The following POMZP3 variants were observed in gnomAD, a reference collection of about 807,000 sequenced individuals.
POMZP3 encodes the protein POM121 and ZP3 fusion protein.
Under a neutral mutation model 19.8 loss-of-function variants are expected in POMZP3, and 10 were observed. The observed-to-expected ratio is 0.51, with a 90% CI of 0.31 to 0.86. POMZP3 has a LOEUF of 0.86. Among genes scored for constraint, POMZP3 ranks in the 40% least tolerant of loss-of-function variants. The probability of loss-of-function intolerance (pLI) is 0.04; values close to 1 mark genes in which losing one functional copy is unlikely to be tolerated. For synonymous variants in POMZP3, 57 were observed against 85.8 expected, an observed-to-expected ratio of 0.66 and a Z score of 1.85; for missense variants, 152 against 228.1, an observed-to-expected ratio of 0.67 and a Z score of 2.15.
intron 3 of POMZP3, chr7:76,618,558 GT>G (rs1441865660): frequency 6.2e-6 from 3 of 480,824 alleles, no homozygotes; most frequent in Non-Finnish European, 1.1e-5. Flanking sequence ...GAGGCAGAGG[GT>G]GTAGTGAGCC....
intron 4 of POMZP3, among the ~76,000 whole-genome samples, chr7:76,616,525 G>T (rs1253801610): frequency 1.0e-5 from 1 of 100,064 alleles, no homozygotes; most frequent in African/African-American, 4.0e-5. Context: ...CCTATTCTAA[G>T]CTCACGGCCT....
rs1193493149 is a variant in POMZP3, at chr7:76,613,507, C to CTTTTTTTTTTTTTTT, written c.346-1709_346-1695dup. ...ACCCTGTAAGCACTGCCCCCCTACCCTTTTTTTTTTTTTTTTTTCTGAGAC... is the reference window on the plus strand; with the variant it reads ...ACCCTGTAAGCACTGCCCCCCTACCCTTTTTTTTTTTTTTTTTTTTTTTTTTTTTTTTTCTGAGAC... On this transcript the variant is annotated intron_variant, in intron 4 of 6. Coordinates refer to ENST00000310842, the MANE Select transcript of POMZP3 (RefSeq NM_012230.5). Among the ~76,000 whole-genome samples the CTTTTTTTTTTTTTTT allele has an allele frequency of 1.9e-3, 129 of 67,404 alleles. 36 individuals are homozygous for CTTTTTTTTTTTTTTT. Among genetic ancestry groups the CTTTTTTTTTTTTTTT allele is most frequent in the African/African-American group, 7.5e-3 (104 of 13,952 alleles). 44.2% of individuals were successfully genotyped at this position (67,404 alleles called of 152,430 possible).
At chr7:76,624,936 T>C (rs1236311009) in intron 3 of POMZP3, among the ~76,000 whole-genome samples, 1 of 149,662 alleles carries the variant, frequency 6.7e-6, no homozygotes, top group Non-Finnish European at 1.5e-5. Context: ...TTCGAGACCA[T>C]CCTGGCCAAC....
chr7:76,621,828 T>C (rs916031326), intron 3 of POMZP3, among the ~76,000 whole-genome samples: 1 of 149,154 alleles, frequency 6.7e-6, no homozygotes, highest in Non-Finnish European at 1.5e-5. Context: ...CAGTCCCAGC[T>C]ACTCGGGAGG....
intron 3 of POMZP3, among the ~76,000 whole-genome samples, chr7:76,618,952 C>T (rs2690680): frequency 7.2e-5 from 11 of 152,024 alleles, no homozygotes; most frequent in African/African-American, 1.2e-4. Context: ...CATGTCAGGC[C>T]GATTTTTGTA....
intron 3 of POMZP3, among the ~76,000 whole-genome samples, chr7:76,621,707 G>A (rs1223118252): frequency 6.6e-6 from 1 of 151,768 alleles, no homozygotes; most frequent in Non-Finnish European, 1.5e-5. Context: ...TTGGGAGGCT[G>A]AGGCGGGCGG....
chr7:76,611,311 G>T, intron 6 of POMZP3, 143 bp downstream of exon 6: 2 of 1,140,666 alleles, frequency 1.8e-6, no homozygotes, highest in Non-Finnish European at 2.4e-6. Flanking sequence ...CCCAAGATTT[G>T]TGTTAGGGAA....
chr7:76,621,776 T>A (rs1444284225), intron 3 of POMZP3, among the ~76,000 whole-genome samples: 1 of 151,438 alleles, frequency 6.6e-6, no homozygotes, highest in African/African-American at 2.4e-5. Context: ...CCATCTCTAC[T>A]AAAAATACAA....
chr7:76,625,625 A>T lies in POMZP3; in HGVS notation c.124T>A (p.Cys42Ser). 6.2e-7 allele frequency: 1 copy of T among 1,613,702 alleles called. No homozygotes were observed. Among genetic ancestry groups the T allele is most frequent in the Non-Finnish European group, 8.5e-7 (1 of 1,179,800 alleles). Reference sequence around the variant, plus strand: ...GCACTCAGTACAGTCTCCTTTGCACATGGGTCTGGGGCATTACTTGATGGT... The same window carrying T: ...GCACTCAGTACAGTCTCCTTTGCACTTGGGTCTGGGGCATTACTTGATGGT... ...SSPSSNAPDP[C>S]AKETVLSALK... The change falls in exon 3 of 7, where the codon TGT becomes AGT. Residue 42 changes from cysteine to serine, a missense_variant. Physicochemically the swap from Cys to Ser is moderately radical, Grantham distance 112 (BLOSUM62 -1). Around this residue, in one of 4 missense-constraint regions of POMZP3, gnomAD observed 70 missense variants for 64.1 expected, o/e 1.09. Transcript: ENST00000310842.
intron 4 of POMZP3, among the ~76,000 whole-genome samples, chr7:76,616,181 G>A (rs1815279719): frequency 7.0e-6 from 1 of 143,552 alleles, no homozygotes; most frequent in Admixed American, 7.1e-5. Flanking sequence ...CTACTCAGGA[G>A]GCTGAGGCAG....
intron 4 of POMZP3, chr7:76,615,352 C>G (rs562409991): frequency 1.1e-5 from 1 of 91,838 alleles, no homozygotes; most frequent in East Asian, 2.6e-4. Context: ...ACTCTTTTCC[C>G]AAATCTGCCC....
chr7:76,610,233 A>G lies in POMZP3; in HGVS notation c.*12-18T>C. On this transcript the variant is annotated intron_variant, in intron 6 of 6. Transcript: ENST00000310842. Reference sequence around the variant, plus strand: ...TTCTGTCACTGTGAAAGGAGAACACACAACCAAGGGTCATCTTAGTCCCTA... The same window carrying G: ...TTCTGTCACTGTGAAAGGAGAACACGCAACCAAGGGTCATCTTAGTCCCTA... 1.2e-6 allele frequency: 2 copies of G among 1,613,830 alleles called. No individual in the cohort carries two copies. The highest frequency in any genetic ancestry group is 1.7e-6 in the Non-Finnish European group (2 of 1,179,832).
Position 76,627,144 on chromosome 7 carries a change from T to G in POMZP3, c.-588A>C. The G allele has an allele frequency of 3.7e-5, 54 of 1,446,180 alleles. 6 individuals carry two copies. Among genetic ancestry groups the G allele is most frequent in the Non-Finnish European group, 4.8e-5 (52 of 1,090,158 alleles). The allele number at this position is 1,446,180 out of a possible 1,614,324, so 89.6% of individuals were successfully genotyped here. On this transcript the variant is annotated 5_prime_UTR_variant, in exon 1 of 7. Coordinates refer to ENST00000310842, the MANE Select transcript of POMZP3 (RefSeq NM_012230.5). ...CAGCCGCAGCAGGCACGAGGTACAGTAGGAGGCCGACCAGCGACAGGCCGA... is the reference window on the plus strand; with the variant it reads ...CAGCCGCAGCAGGCACGAGGTACAGGAGGAGGCCGACCAGCGACAGGCCGA...
chr7:76,624,728 G>T (rs1286638058), intron 3 of POMZP3, among the ~76,000 whole-genome samples: 1 of 150,762 alleles, frequency 6.6e-6, no homozygotes, highest in South Asian at 2.1e-4. Context: ...TTATAGGCGT[G>T]AGCCACCTTG....
At chr7:76,623,472 G>T (rs1815686287) in intron 3 of POMZP3, among the ~76,000 whole-genome samples, 1 of 147,090 alleles carries the variant, frequency 6.8e-6, no homozygotes, top group Admixed American at 7.0e-5. Context: ...TGAATATTCT[G>T]GTGTGTTGCT....
chr7:76,622,230 T>C (rs1258351250), intron 3 of POMZP3, among the ~76,000 whole-genome samples: 2 of 151,988 alleles, frequency 1.3e-5, no homozygotes, highest in South Asian at 4.2e-4. Context: ...GTCTATGGAA[T>C]GGTCATTCTT....
intron 3 of POMZP3, among the ~76,000 whole-genome samples, chr7:76,623,809 AAAG>A (rs1396252764): frequency 4.6e-5 from 7 of 151,966 alleles, no homozygotes; most frequent in Admixed American, 6.6e-5. Flanking sequence ...CTCCAAAAAA[AAAG>A]AAAGAGAGAG....
In POMZP3 at chr7:76,613,454, A is replaced by AC. The variant is rs1398442400; in HGVS notation, c.346-1642dup. ...ATGAGCTCCTGCTGGGAGCTGAAGG[A>AC]CCCCCCCCACCCAGGGAATAGTCAA... On this transcript the variant is annotated intron_variant, in intron 4 of 6. Coordinates refer to ENST00000310842, the MANE Select transcript of POMZP3 (RefSeq NM_012230.5). 3.1e-3 allele frequency among the ~76,000 whole-genome samples: 299 copies of AC among 96,038 alleles called. 6 individuals carry two copies. The highest frequency in any genetic ancestry group is 4.8e-3 in the Admixed American group (43 of 8,870). The allele number at this position is 96,038 out of a possible 152,430, so 63.0% of individuals were successfully genotyped here. A position where few individuals can be genotyped will look rare whatever the true frequency, so the allele number is the denominator to read the frequency against.
rs919873940 is a variant in POMZP3 at position 76,610,799 on chromosome 7, C to T, written c.*12-584G>A. ...CCAGGCTGGTCGAGAACTCATGGGG[C>T]TCAAGCGATTTCCCTGGCCTCAGCC... On this transcript the variant is annotated intron_variant, in intron 6 of 6. Coordinates refer to ENST00000310842, the MANE Select transcript of POMZP3 (RefSeq NM_012230.5). Among the ~76,000 whole-genome samples, 9 of 150,210 alleles carry T rather than the reference C, an allele frequency of 6.0e-5. No homozygotes were observed. The East Asian group carries it at 7.9e-4, about 13-fold the overall frequency.
Sources: gnomAD v4.1 joint callset for allele counts (sites outside exome capture counted in the v4.1 genomes callset) on GRCh38, gnomAD v4.1.1 for gene constraint, gnomAD v4.1.1 regional missense constraint, MANE v1.5 for transcripts, NCBI Gene and HGNC (gene_info 2026-07-23, HGNC 2026-07-21) for gene names.